Variants in DYNC1LI1 observed in about 807,000 individuals in gnomAD.
The protein encoded by DYNC1LI1 is cytoplasmic dynein 1 light intermediate chain 1.
A neutral mutation model predicts 63.8 loss-of-function variants in DYNC1LI1; 19 were observed. The ratio of observed to expected loss-of-function variants is 0.30; its 90% CI spans 0.21 to 0.44. The LOEUF (loss-of-function observed/expected upper bound fraction) is 0.44. Among genes scored for constraint, DYNC1LI1 ranks in the 20% least tolerant of loss-of-function variants. The probability of loss-of-function intolerance (pLI) is 1.00; values close to 1 mark genes in which losing one functional copy is unlikely to be tolerated. For synonymous variants in DYNC1LI1, 225 were observed against 232.3 expected (o/e 0.97, Z 0.28); for missense variants, 565 against 630.2 (o/e 0.90, Z 1.11).
chr3:32,544,128 A>G (rs1450770108), intron 4 of DYNC1LI1, among the ~76,000 whole-genome samples: 4 of 152,180 alleles, frequency 2.6e-5, no homozygotes, highest in Non-Finnish European at 4.4e-5. Flanking sequence ...TACAATTTTC[A>G]TAATTCCCAT....
Position 32,534,616 on chromosome 3 carries a change from T to C in DYNC1LI1, c.863A>G (p.Lys288Arg). 1 of 1,598,732 alleles carries C rather than the reference T, an allele frequency of 6.3e-7. No homozygotes were observed. The highest frequency in any genetic ancestry group is 8.5e-7 in the Non-Finnish European group (1 of 1,171,556). ...YGAALIYTSVKENKNIDLVYK... is the reference protein window; with the variant it reads ...YGAALIYTSVRENKNIDLVYK... ...TACTAAGTCTATATTTTTGTTTTCT[T>C]TTACTGAAGTGTAAATAAGTGCTGC... Residue 288 changes from lysine (K) to arginine (R), a missense_variant, in exon 7 of 13, where the codon AAA becomes AGA. Lys to Arg is a conservative substitution (Grantham distance 26, BLOSUM62 2). Transcript: ENST00000273130.
intron 2 of DYNC1LI1, among the ~76,000 whole-genome samples, chr3:32,551,025 C>A: frequency 6.6e-6 from 1 of 151,096 alleles, no homozygotes; most frequent in African/African-American, 2.4e-5. Context: ...AAGAAAACCA[C>A]TGCATTAAAC....
At position 32,545,025 on chromosome 3, in the gene DYNC1LI1, G is replaced by A; in HGVS notation, c.419C>T (p.Ser140Phe). 1 of 1,614,042 alleles carries A rather than the reference G, an allele frequency of 6.2e-7. No individual in the cohort carries two copies. The highest frequency in any genetic ancestry group is 8.5e-7 in the Non-Finnish European group (1 of 1,179,954). The change falls in exon 4 of 13, where the codon TCT (serine) becomes TTT (phenylalanine). Residue 140 changes from serine (S) to phenylalanine (F), a missense_variant. Ser to Phe is a radical substitution (Grantham distance 155). Transcript: ENST00000273130. ...GLLKFSLDAV[S>F]LKDTLVMLVV... ...CAGCATAACTAGAGTATCCTTCAGA[G>A]ATACGGCATCCAGTGAAAATTTAAG...
At chr3:32,556,101 C>T (rs1320290655) in intron 2 of DYNC1LI1, among the ~76,000 whole-genome samples, 2 of 152,220 alleles carry the variant, frequency 1.3e-5, no homozygotes, top group Non-Finnish European at 2.9e-5. Flanking sequence ...CACACAATTT[C>T]TTTCAGGAAC....
intron 3 of DYNC1LI1, 81 bp from the exon 4 acceptor site, chr3:32,545,187 T>C (rs1001031742): frequency 1.4e-5 from 13 of 897,872 alleles, no homozygotes; most frequent in African/African-American, 8.3e-5. Context: ...CTTGGTATTT[T>C]AGTGCATCTC....
chr3:32,558,403 TAA>T (rs533076265), intron 2 of DYNC1LI1, among the ~76,000 whole-genome samples: 15 of 90,384 alleles, frequency 1.7e-4, no homozygotes, highest in African/African-American at 1.8e-4. Context: ...TTTAAAAATG[TAA>T]AAAAAAAAAA....
In DYNC1LI1 at chr3:32,526,899, G is replaced by A. The variant is rs192276195; in HGVS notation, c.1472C>T (p.Pro491Leu). The A allele has an allele frequency of 7.5e-5, 121 of 1,612,844 alleles. No individual in the cohort carries two copies. In the Admixed American group the frequency reaches 7.5e-4, roughly 10 times the overall value. ...PPSTKKSGQKPVLDVHAELDR... is the reference protein window; with the variant it reads ...PPSTKKSGQKLVLDVHAELDR... ...TAGTTCTGCATGAACATCTAAGACAGGCTTCTGGCCTACATTGAAGAAAAA... is the reference window on the plus strand; with the variant it reads ...TAGTTCTGCATGAACATCTAAGACAAGCTTCTGGCCTACATTGAAGAAAAA... The change falls in exon 13 of 13, where the codon CCT (proline) becomes CTT (leucine). Residue 491 changes from proline to leucine, a missense_variant. Pro to Leu is a moderately conservative substitution (Grantham distance 98). Transcript: ENST00000273130.
chr3:32,530,347 A>T lies in DYNC1LI1; in HGVS notation c.1141-19T>A. 6.3e-7 allele frequency: 1 copy of T among 1,598,368 alleles called. No individual in the cohort carries two copies. Among genetic ancestry groups the T allele is most frequent in the Non-Finnish European group, 8.5e-7 (1 of 1,173,836 alleles). ...AAAGGGACTGAAAAAAAAAAAAAAA[A>T]AGAATCCTAGTTTAGACATTCATAG... is the stretch of plus-strand genomic sequence containing the variant. On this transcript the variant is annotated intron_variant, in intron 9 of 12. Coordinates refer to ENST00000273130, the MANE Select transcript of DYNC1LI1 (RefSeq NM_016141.4).
chr3:32,563,865 A>G (rs1698224964), intron 2 of DYNC1LI1, among the ~76,000 whole-genome samples: 1 of 152,242 alleles, frequency 6.6e-6, no homozygotes, highest in Admixed American at 6.5e-5. Context: ...CTGGAATAAC[A>G]ATGATACTTT....
At chr3:32,551,573 C>T (rs547985710) in intron 2 of DYNC1LI1, among the ~76,000 whole-genome samples, 5 of 152,122 alleles carry the variant, frequency 3.3e-5, no homozygotes, top group African/African-American at 1.2e-4. Flanking sequence ...GAATGACTGA[C>T]AAGAGTAAGT....
intron 2 of DYNC1LI1, among the ~76,000 whole-genome samples, chr3:32,562,088 C>T (rs1349217921): frequency 6.6e-6 from 1 of 152,042 alleles, no homozygotes; most frequent in Non-Finnish European, 1.5e-5. Flanking sequence ...GGCTGGGCAA[C>T]ATAGTGAGAC....
intron 2 of DYNC1LI1, among the ~76,000 whole-genome samples, chr3:32,553,570 T>C (rs1028173845): frequency 1.3e-5 from 2 of 152,260 alleles, no homozygotes; most frequent in Admixed American, 6.5e-5. Flanking sequence ...ACAATAAATA[T>C]TAAAGACTAG....
In DYNC1LI1 at chr3:32,526,677, AC is replaced by A; in HGVS notation, c.*121del. On this transcript the variant is annotated 3_prime_UTR_variant, in exon 13 of 13. Coordinates refer to ENST00000273130, the MANE Select transcript of DYNC1LI1 (RefSeq NM_016141.4). ...ACCACACACACACACACACACACACACGACATAAATTTAGTCCATCTGAAGA... is the reference window on the plus strand; with the variant it reads ...ACCACACACACACACACACACACACAGACATAAATTTAGTCCATCTGAAGA... 1.4e-6 allele frequency: 1 copy of A among 693,062 alleles called. No homozygotes were observed. 42.9% of individuals were successfully genotyped at this position (693,062 alleles called of 1,614,324 possible).
intron 5 of DYNC1LI1, 122 bp downstream of exon 5, chr3:32,540,915 T>G: frequency 1.6e-6 from 1 of 629,808 alleles, no homozygotes; most frequent in Non-Finnish European, 2.6e-6. Flanking sequence ...AAACTATTAT[T>G]TGTTTGTTAA....
intron 4 of DYNC1LI1, among the ~76,000 whole-genome samples, chr3:32,542,248 C>T (rs945459829): frequency 1.3e-5 from 2 of 152,064 alleles, no homozygotes; most frequent in African/African-American, 4.8e-5. Flanking sequence ...TAGCTACAGG[C>T]ATGTGCCACC....
chr3:32,543,067 G>A (rs1431695772), intron 4 of DYNC1LI1, among the ~76,000 whole-genome samples: 1 of 152,150 alleles, frequency 6.6e-6, no homozygotes, highest in Admixed American at 6.5e-5. Context: ...TAATTCAGTG[G>A]TCCAGGATGG....
Position 32,526,781 on chromosome 3 carries a change from T to C in DYNC1LI1, c.*18A>G. ...ACATTATCCCAGAAAACAGAATAAA[T>C]GGCTTTATTTGGTATCTTCAAGAAG... On this transcript the variant is annotated 3_prime_UTR_variant, in exon 13 of 13. Coordinates refer to ENST00000273130, the MANE Select transcript of DYNC1LI1 (RefSeq NM_016141.4). The C allele has an allele frequency of 1.3e-6, 2 of 1,527,186 alleles. No homozygotes were observed. Among genetic ancestry groups the C allele is most frequent in the South Asian group, 1.1e-5 (1 of 89,052 alleles). 94.6% of individuals were successfully genotyped at this position (1,527,186 alleles called of 1,614,324 possible). A position where few individuals can be genotyped will look rare whatever the true frequency, so the allele number is the denominator to read the frequency against.
At chr3:32,536,923 C>G (rs978054084) in intron 6 of DYNC1LI1, 88 bp downstream of exon 6, 5 of 701,838 alleles carry the variant, frequency 7.1e-6, no homozygotes, top group East Asian at 6.0e-5. Context: ...CAGAATTTCT[C>G]AAGTCCATCA....
Position 32,570,711 on chromosome 3 carries a change from A to C in DYNC1LI1, c.60T>G (p.Thr20=), listed in dbSNP as rs1281061140. ...FGSSPPGLSS[T]YTGGPLGNEI... ...CGTTGCCCAAGGGGCCGCCAGTGTA[A>C]GTCGAGGATAATCCCGGCGGAGAAG... The change falls in exon 1 of 13, where the codon ACT becomes ACG. Residue 20 remains threonine (T), a synonymous_variant. Transcript: ENST00000273130. 1 of 1,609,314 alleles carries C rather than the reference A, an allele frequency of 6.2e-7. No individual in the cohort carries two copies. Among genetic ancestry groups the C allele is most frequent in the Non-Finnish European group, 8.5e-7 (1 of 1,177,868 alleles).
Sources: allele counts gnomAD v4.1 joint callset (sites outside exome capture counted in the v4.1 genomes callset), GRCh38; gene constraint gnomAD v4.1.1; transcripts MANE v1.5; gene names NCBI Gene and HGNC (gene_info 2026-07-23, HGNC 2026-07-21).